The following LIMCH1 variants were observed in gnomAD, a reference collection of about 807,000 sequenced individuals.
LIMCH1 encodes LIM and calponin homology domains-containing protein 1.
LIMCH1 carries 113 observed loss-of-function variants against 176.5 expected under a neutral mutation model. That is an observed-to-expected ratio of 0.64 (90% CI 0.55 to 0.75). LIMCH1 has a LOEUF of 0.75. Among genes scored for constraint, LIMCH1 ranks in the 30% least tolerant of loss-of-function variants. LIMCH1 has a pLI of 0.00. For synonymous variants in LIMCH1, 619 were observed against 645.9 expected (o/e 0.96, Z 0.63); for missense variants, 1,674 against 1,814.9 (o/e 0.92, Z 1.41).
chr4:41,599,014 G>C lies in LIMCH1; in HGVS notation c.-146G>C. On this transcript the variant is annotated 5_prime_UTR_variant, in exon 2 of 32. Transcript: ENST00000503057. ...AGTGACCTCCAGGATACATCCAACA[G>C]AGTAACAGTCAAGTAAGTAAAGCGT... 6.2e-7 allele frequency: 1 copy of C among 1,602,676 alleles called. No homozygotes were observed. Among genetic ancestry groups the C allele is most frequent in the Non-Finnish European group, 8.5e-7 (1 of 1,170,026 alleles).
intron 1 of LIMCH1, among the ~76,000 whole-genome samples, chr4:41,557,187 C>G (rs891698811): frequency 3.9e-5 from 6 of 152,124 alleles, no homozygotes. Flanking sequence ...TAAAATGGTT[C>G]TCATCTTTCC....
intron 1 of LIMCH1, among the ~76,000 whole-genome samples, chr4:41,442,415 G>A (rs760900256): frequency 7.2e-5 from 11 of 152,250 alleles, no homozygotes; most frequent in Admixed American, 1.3e-4. Flanking sequence ...TAGCATCAGT[G>A]TCTATTCTTG....
intron 7 of LIMCH1, among the ~76,000 whole-genome samples, chr4:41,624,707 A>G (rs904561376): frequency 3.9e-5 from 6 of 152,046 alleles, no homozygotes; most frequent in Non-Finnish European, 7.4e-5. Flanking sequence ...CACACTAGCT[A>G]CCAATCTGAC....
intron 1 of LIMCH1, among the ~76,000 whole-genome samples, chr4:41,404,450 G>T (rs1056742488): frequency 7.9e-5 from 12 of 152,094 alleles, no homozygotes; most frequent in Non-Finnish European, 1.8e-4. Flanking sequence ...CTTCAGTCTT[G>T]CCTTGCTCCT....
intron 31 of LIMCH1, among the ~76,000 whole-genome samples, chr4:41,696,471 A>G (rs1586169361): frequency 6.6e-6 from 1 of 152,238 alleles, no homozygotes. Flanking sequence ...TCCTTTCTAG[A>G]TAGGTTTACC....
chr4:41,629,408 T>C, intron 8 of LIMCH1, 84 bp from the exon 9 acceptor site: 1 of 1,459,192 alleles, frequency 6.9e-7, no homozygotes, highest in Non-Finnish European at 9.1e-7. Context: ...CCTGTGAGTT[T>C]CCATGCTTGA....
chr4:41,620,648 A>G lies in LIMCH1; in HGVS notation c.683A>G (p.Gln228Arg). Residue 228 changes from glutamine (Q) to arginine (R), a missense_variant, in exon 7 of 32, where the codon CAA becomes CGA. Coordinates refer to ENST00000503057, the MANE Select transcript of LIMCH1 (RefSeq NM_001330672.2). ...ATCCAAAAGCGCAAAAGGCTAGAGC[A>G]AGCTGGAATCAAGGTCATGCCAGCA... ...AEIQKRKRLE[Q>R]AGIKVMPAAQ... The G allele has an allele frequency of 6.5e-7, 1 of 1,536,140 alleles. No homozygotes were observed. Among genetic ancestry groups the G allele is most frequent in the Non-Finnish European group, 8.7e-7 (1 of 1,146,870 alleles).
At chr4:41,473,163 G>C in intron 1 of LIMCH1, 1 of 985,294 alleles carries the variant, frequency 1.0e-6, no homozygotes. Flanking sequence ...ATCTTTTAAG[G>C]ACCTGCCAAT....
intron 13 of LIMCH1, among the ~76,000 whole-genome samples, chr4:41,637,396 C>T (rs1186901331): frequency 6.6e-6 from 1 of 152,150 alleles, no homozygotes; most frequent in Non-Finnish European, 1.5e-5. Context: ...TGCCATGTTG[C>T]CCAGGCTGGT....
chr4:41,521,785 A>T (rs9994900), intron 2 of LIMCH1, among the ~76,000 whole-genome samples: 78,946 of 151,974 alleles, frequency 0.52, 23,651 homozygotes, highest in African/African-American at 0.83. Flanking sequence ...AGTTTCTGCT[A>T]CTTTTAAGTA....
At chr4:41,387,085 A>G (rs1246809913) in intron 1 of LIMCH1, among the ~76,000 whole-genome samples, 1 of 152,232 alleles carries the variant, frequency 6.6e-6, no homozygotes, top group Non-Finnish European at 1.5e-5. Flanking sequence ...TTCTGAGACA[A>G]AAATTGTTAT....
chr4:41,578,774 G>A (rs2084916104), intron 1 of LIMCH1, among the ~76,000 whole-genome samples: 1 of 151,780 alleles, frequency 6.6e-6, no homozygotes, highest in African/African-American at 2.4e-5. Flanking sequence ...CCAGGCTAGA[G>A]TGAAATGAAG....
chr4:41,556,242 A>G (rs540596562), intron 1 of LIMCH1, among the ~76,000 whole-genome samples: 1 of 152,100 alleles, frequency 6.6e-6, no homozygotes, highest in South Asian at 2.1e-4. Flanking sequence ...TAAAAATACA[A>G]AAATTAGCTG....
intron 2 of LIMCH1, chr4:41,494,711 TTGAATC>T (rs1290856526): frequency 3.8e-5 from 30 of 785,468 alleles, no homozygotes; most frequent in East Asian, 1.3e-4. Flanking sequence ...TATTCACAGT[TTGAATC>T]TGAAACTCAA....
At chr4:41,556,255 C>G (rs1478491627) in intron 1 of LIMCH1, among the ~76,000 whole-genome samples, 1 of 151,914 alleles carries the variant, frequency 6.6e-6, no homozygotes, top group Non-Finnish European at 1.5e-5. Flanking sequence ...ATTAGCTGGG[C>G]ATGGTGGTGC....
At chr4:41,513,937 T>C (rs2075248631) in intron 2 of LIMCH1, among the ~76,000 whole-genome samples, 2 of 127,358 alleles carry the variant, frequency 1.6e-5, no homozygotes, top group African/African-American at 5.8e-5. Flanking sequence ...ACTTGGGAGG[T>C]GGAGGTTCCG....
chr4:41,679,621 T>C (rs187116867), intron 23 of LIMCH1, among the ~76,000 whole-genome samples: 1 of 152,256 alleles, frequency 6.6e-6, no homozygotes, highest in East Asian at 1.9e-4. Context: ...TTTATTACAC[T>C]CTCCTCGCAG....
chr4:41,670,898 T>A (rs1030085230), intron 21 of LIMCH1: 2 of 1,479,888 alleles, frequency 1.4e-6, no homozygotes. Context: ...GGGGAAAAAA[T>A]TATTTCTTAT....
At chr4:41,526,698 A>G (rs192490898) in intron 3 of LIMCH1, among the ~76,000 whole-genome samples, 67 of 152,288 alleles carry the variant, frequency 4.4e-4, no homozygotes, top group African/African-American at 1.5e-3. Flanking sequence ...TGTTCTGTCT[A>G]TTGGACAGTT....
Sources: gnomAD v4.1 joint callset for allele counts (sites outside exome capture counted in the v4.1 genomes callset) on GRCh38, gnomAD v4.1.1 for gene constraint, MANE v1.5 for transcripts, NCBI Gene and HGNC (gene_info 2026-07-23, HGNC 2026-07-21) for gene names.